Variants in APBA2 observed in about 807,000 individuals in gnomAD.
The protein encoded by APBA2 is amyloid beta precursor protein binding family A member 2, also known as amyloid-beta A4 precursor protein-binding family A member 2.
In APBA2, 30 loss-of-function variants were observed where a neutral mutation model predicts 75.0. That is an observed-to-expected ratio of 0.40 (90% CI 0.30 to 0.54). APBA2 has a LOEUF of 0.54. Among genes scored for constraint, APBA2 ranks in the 20% least tolerant of loss-of-function variants. The pLI is 0.49. For synonymous variants in APBA2, 444 were observed against 409.6 expected (o/e 1.08, Z -1.01); for missense variants, 801 against 1,016.1 (o/e 0.79, Z 2.88).
chr15:28,933,111 C>G (rs908533227), intron 2 of APBA2, among the ~76,000 whole-genome samples: 3 of 152,050 alleles, frequency 2.0e-5, no homozygotes, highest in Admixed American at 2.0e-4. Context: ...CCCACTCTCG[C>G]GATAATGGCA....
At chr15:29,102,973 C>T (rs1164369815) in intron 10 of APBA2, among the ~76,000 whole-genome samples, 1 of 104,120 alleles carries the variant, frequency 9.6e-6, no homozygotes, top group Non-Finnish European at 2.5e-5. Context: ...TGAAGTGCTT[C>T]GGCGCAATGG....
chr15:29,069,050 A>G (rs1468448369), intron 4 of APBA2, among the ~76,000 whole-genome samples: 1 of 152,056 alleles, frequency 6.6e-6, no homozygotes, highest in Non-Finnish European at 1.5e-5. Context: ...ACAGTGAAAA[A>G]TCTGTTTTCT....
rs535149783 is a variant in APBA2 at position 29,095,965 on chromosome 15, C to T, written c.1251+1652C>T. 2.2e-4 allele frequency among the ~76,000 whole-genome samples: 33 copies of T among 152,354 alleles called. 1 individual carries two copies. Among genetic ancestry groups the T allele is most frequent in the African/African-American group, 7.9e-4 (33 of 41,592 alleles). ...ACGGACTGCAGCTGGCTTCTGGGACCTGCAGGTCCAGCAATCCTACAGAGT... is the reference window on the plus strand; with the variant it reads ...ACGGACTGCAGCTGGCTTCTGGGACTTGCAGGTCCAGCAATCCTACAGAGT... On this transcript the variant is annotated intron_variant, in intron 8 of 14. Transcript: ENST00000683413.
chr15:28,948,434 T>C (rs1374031480), intron 2 of APBA2, among the ~76,000 whole-genome samples: 3 of 152,126 alleles, frequency 2.0e-5, no homozygotes, highest in Non-Finnish European at 4.4e-5. Flanking sequence ...AAAGTCCCCT[T>C]TCGTAGAGAT....
chr15:28,942,592 A>G (rs2035292819), intron 2 of APBA2, among the ~76,000 whole-genome samples: 1 of 152,004 alleles, frequency 6.6e-6, no homozygotes, highest in Non-Finnish European at 1.5e-5. Context: ...CGGTTGTTGG[A>G]CCCACCTGCC....
intron 2 of APBA2, among the ~76,000 whole-genome samples, chr15:28,959,373 G>A (rs2036344941): frequency 6.6e-6 from 1 of 152,220 alleles, no homozygotes; most frequent in Non-Finnish European, 1.5e-5. Context: ...GACTGTATTT[G>A]GAGAGAGGGT....
intron 2 of APBA2, among the ~76,000 whole-genome samples, chr15:28,923,176 G>A (rs993647161): frequency 2.0e-5 from 3 of 152,052 alleles, no homozygotes; most frequent in Non-Finnish European, 4.4e-5. Context: ...AGTTTTATAA[G>A]TTTTATGAAA....
chr15:28,923,667 G>A (rs2034098483), intron 2 of APBA2, among the ~76,000 whole-genome samples: 1 of 152,188 alleles, frequency 6.6e-6, no homozygotes, highest in South Asian at 2.1e-4. Context: ...AACACGTGGT[G>A]CCCTTTTGCC....
At chr15:28,989,969 A>G (rs61225241) in intron 2 of APBA2, among the ~76,000 whole-genome samples, 18,437 of 152,194 alleles carry the variant, frequency 0.12, 1,525 homozygotes, top group East Asian at 0.27. Flanking sequence ...AAACAAGGTC[A>G]GTTTAGTATC....
At chr15:28,982,040 T>C (rs2037649664) in intron 2 of APBA2, among the ~76,000 whole-genome samples, 1 of 152,202 alleles carries the variant, frequency 6.6e-6, no homozygotes, top group Non-Finnish European at 1.5e-5. Context: ...GAAAACTAAC[T>C]GTTGGGTACT....
At chr15:28,891,649 A>G (rs917255446) in intron 1 of APBA2, among the ~76,000 whole-genome samples, 14 of 152,310 alleles carry the variant, frequency 9.2e-5, no homozygotes, top group African/African-American at 2.6e-4. Context: ...GATTCTTAGC[A>G]CTTGTTGTCC....
chr15:29,037,818 A>C (rs1262922761), intron 3 of APBA2, among the ~76,000 whole-genome samples: 2 of 152,190 alleles, frequency 1.3e-5, no homozygotes, highest in African/African-American at 4.8e-5. Context: ...AAGGCATCAC[A>C]TGGCAAAGAG....
rs1236852800 is a variant in APBA2, at chr15:29,074,923, T to A, written c.954T>A (p.Val318=). Residue 318 remains valine (V), a splice_region_variant and synonymous_variant, in exon 5 of 15, where the codon GTT becomes GTA. Transcript: ENST00000683413. ...ATCTTTAACTTCCCCGTTTCCAGGT[T>A]TGCAATGGTCTGGAGCAGCCAAGGA... ...EERLKWPHEQ[V]CNGLEQPRKQ... The A allele has an allele frequency of 6.2e-7, 1 of 1,614,098 alleles. No homozygotes were observed. The highest frequency in any genetic ancestry group is 8.5e-7 in the Non-Finnish European group (1 of 1,179,946).
At chr15:29,013,308 C>G (rs951699408) in intron 3 of APBA2, among the ~76,000 whole-genome samples, 5 of 110,600 alleles carry the variant, frequency 4.5e-5, no homozygotes, top group African/African-American at 1.8e-4. Flanking sequence ...GAGACAGAGT[C>G]TTGCTCTTTC....
intron 2 of APBA2, among the ~76,000 whole-genome samples, chr15:28,930,937 C>T (rs898826393): frequency 1.3e-5 from 2 of 152,328 alleles, no homozygotes; most frequent in East Asian, 1.9e-4. Flanking sequence ...CCTTGGGCAG[C>T]TCCTCCTCTT....
chr15:28,940,466 CCGGG>C (rs1465724422), intron 2 of APBA2, among the ~76,000 whole-genome samples: 4 of 117,590 alleles, frequency 3.4e-5, no homozygotes, highest in South Asian at 3.2e-4. Flanking sequence ...TGGCGTGAAC[CCGGG>C]TGAACCCGGG....
intron 2 of APBA2, among the ~76,000 whole-genome samples, chr15:28,959,054 C>A (rs996834446): frequency 2.6e-5 from 4 of 152,168 alleles, no homozygotes; most frequent in Admixed American, 2.6e-4. Context: ...AGTGGTGCGA[C>A]CTTGGTTCAC....
chr15:29,065,892 G>C (rs748753845), intron 4 of APBA2, among the ~76,000 whole-genome samples: 2 of 152,350 alleles, frequency 1.3e-5, no homozygotes, highest in Non-Finnish European at 2.9e-5. Flanking sequence ...CTGGTCTGCT[G>C]TGGGTGCAGC....
intron 4 of APBA2, among the ~76,000 whole-genome samples, chr15:29,055,649 A>T (rs2041848627): frequency 6.7e-6 from 1 of 148,578 alleles, no homozygotes; most frequent in Non-Finnish European, 1.5e-5. Context: ...TTTTTTTCCG[A>T]GAAGAGTTCA....
Sources: gnomAD v4.1 joint callset for allele counts (sites outside exome capture counted in the v4.1 genomes callset) on GRCh38, gnomAD v4.1.1 for gene constraint, MANE v1.5 for transcripts, NCBI Gene and HGNC (gene_info 2026-07-23, HGNC 2026-07-21) for gene names.